Variants in RABL3 observed in about 807,000 individuals in gnomAD.
RABL3 encodes the protein rab-like protein 3.
Under a neutral mutation model 31.8 loss-of-function variants are expected in RABL3, and 31 were observed. That is an observed-to-expected ratio of 0.97 (90% CI 0.73 to 1.31). The LOEUF (loss-of-function observed/expected upper bound fraction) is 1.31, where lower values mean the gene tolerates loss of function less well. Ranked by LOEUF, RABL3 falls within the 40% of genes most tolerant of loss-of-function variation. The pLI is 0.00. For synonymous variants in RABL3, 97 were observed against 99.9 expected, an observed-to-expected ratio of 0.97 and a Z score of 0.18; for missense variants, 263 against 279.6, an observed-to-expected ratio of 0.94 and a Z score of 0.42.
chr3:120,699,765 T>C (rs936552593), intron 4 of RABL3, among the ~76,000 whole-genome samples: 2 of 152,180 alleles, frequency 1.3e-5, no homozygotes, highest in East Asian at 1.9e-4. Flanking sequence ...TGTTTTACTA[T>C]ACAACCTCCC....
In RABL3 at chr3:120,687,198, T is replaced by C. The variant is rs1708319916; in HGVS notation, c.*2625A>G. The C allele has an allele frequency of 6.6e-6, 1 of 151,990 alleles. No homozygotes were observed. The allele number at this position is 151,990 out of a possible 1,614,324, so 9.4% of individuals were successfully genotyped here. A position where few individuals can be genotyped will look rare whatever the true frequency, so the allele number is the denominator to read the frequency against. Reference sequence around the variant, plus strand: ...CCTTCATATCTGGTCACCTTCACAATGAGTCAGAAAATTGGTCAGACACCG... The same window carrying C: ...CCTTCATATCTGGTCACCTTCACAACGAGTCAGAAAATTGGTCAGACACCG... On this transcript the variant is annotated 3_prime_UTR_variant, in exon 8 of 8. Transcript: ENST00000273375.
chr3:120,719,484 T>A (rs1708710518), intron 2 of RABL3, among the ~76,000 whole-genome samples: 1 of 152,106 alleles, frequency 6.6e-6, no homozygotes, highest in Non-Finnish European at 1.5e-5. Context: ...ACCTGGAAAA[T>A]TGGGTCACTC....
At chr3:120,713,168 T>TA (rs1416865310) in intron 2 of RABL3, among the ~76,000 whole-genome samples, 1 of 152,218 alleles carries the variant, frequency 6.6e-6, no homozygotes, top group Non-Finnish European at 1.5e-5. Context: ...CCAAACCTGT[T>TA]AGCCAGCACC....
rs1310608094 is a variant in RABL3, at chr3:120,687,763, T to G, written c.*2060A>C. 6.6e-6 allele frequency: 1 copy of G among 151,200 alleles called. No individual in the cohort carries two copies. The highest frequency in any genetic ancestry group is 6.6e-5 in the Admixed American group (1 of 15,172). The allele number at this position is 151,200 out of a possible 1,614,324, so 9.4% of individuals were successfully genotyped here. On this transcript the variant is annotated 3_prime_UTR_variant, in exon 8 of 8. Coordinates refer to ENST00000273375, the MANE Select transcript of RABL3 (RefSeq NM_173825.5). ...TGACCCTGGAGTCATCAGCAATAGT[T>G]TACTTTTATTATTTATTTATATATT...
chr3:120,695,938 A>G (rs34319994), intron 5 of RABL3, among the ~76,000 whole-genome samples: 41,957 of 152,060 alleles, frequency 0.28, 6,284 homozygotes, highest in Non-Finnish European at 0.33. Flanking sequence ...TTTTTGGGAT[A>G]AGAAATTTAG....
intron 2 of RABL3, chr3:120,721,930 A>T (rs536221811): frequency 1.2e-4 from 19 of 152,366 alleles, no homozygotes; most frequent in African/African-American, 4.6e-4. Flanking sequence ...AGTTGGAAGC[A>T]AAGCAATCCT....
At chr3:120,733,204 C>T (rs1258550868) in intron 1 of RABL3, among the ~76,000 whole-genome samples, 1 of 152,164 alleles carries the variant, frequency 6.6e-6, no homozygotes, top group African/African-American at 2.4e-5. Flanking sequence ...TCCTATTTCT[C>T]CACATCCTCT....
intron 2 of RABL3, among the ~76,000 whole-genome samples, chr3:120,724,008 T>C (rs1708783592): frequency 1.3e-5 from 2 of 152,188 alleles, no homozygotes; most frequent in African/African-American, 4.8e-5. Context: ...GAAGTCAAAT[T>C]GTCCCTGTTT....
At chr3:120,740,727 C>A (rs952084736) in intron 1 of RABL3, among the ~76,000 whole-genome samples, 5 of 152,148 alleles carry the variant, frequency 3.3e-5, no homozygotes, top group Admixed American at 3.3e-4. Flanking sequence ...AGGAGACTGA[C>A]AAAATTACCT....
rs1408719551 is a variant in RABL3, at chr3:120,686,448, C to T, written c.*3375G>A. On this transcript the variant is annotated 3_prime_UTR_variant, in exon 8 of 8. Coordinates refer to ENST00000273375, the MANE Select transcript of RABL3 (RefSeq NM_173825.5). Reference sequence around the variant, plus strand: ...AGCTCTTCACCTCAGTCTGATGTCCCTGCACATCATTTCCATGAAGTCCAT... The same window carrying T: ...AGCTCTTCACCTCAGTCTGATGTCCTTGCACATCATTTCCATGAAGTCCAT... 6.6e-6 allele frequency among the ~76,000 whole-genome samples: 1 copy of T among 151,022 alleles called. No homozygotes were observed. Among genetic ancestry groups the T allele is most frequent in the Non-Finnish European group, 1.5e-5 (1 of 67,844 alleles).
rs973634577 is a variant in RABL3 at position 120,688,922 on chromosome 3, T to C, written c.*901A>G. 5 of 152,172 alleles carry C rather than the reference T, an allele frequency of 3.3e-5. No homozygotes were observed. The highest frequency in any genetic ancestry group is 7.2e-5 in the African/African-American group (3 of 41,438). The allele number at this position is 152,172 out of a possible 1,614,324, so 9.4% of individuals were successfully genotyped here. ...ATTTTTACTTCTCTCCATAAATACA[T>C]TGTTGACACAGAATAATATTCTTAG... On this transcript the variant is annotated 3_prime_UTR_variant, in exon 8 of 8. Coordinates refer to ENST00000273375, the MANE Select transcript of RABL3 (RefSeq NM_173825.5).
At chr3:120,718,879 T>C (rs981553129) in intron 2 of RABL3, among the ~76,000 whole-genome samples, 3 of 152,168 alleles carry the variant, frequency 2.0e-5, no homozygotes, top group African/African-American at 7.2e-5. Flanking sequence ...GGGAGGGACA[T>C]ATTAAAATAA....
intron 1 of RABL3, chr3:120,738,800 C>T (rs537158795): frequency 6.6e-6 from 1 of 151,996 alleles, no homozygotes; most frequent in South Asian, 2.1e-4. Context: ...ATCATTCTTC[C>T]ATTATTATTA....
intron 2 of RABL3, among the ~76,000 whole-genome samples, chr3:120,712,063 AGAT>A (rs1216323414): frequency 3.9e-5 from 6 of 152,224 alleles, no homozygotes; most frequent in African/African-American, 1.4e-4. Context: ...TAGTTAAAAT[AGAT>A]GTCATAAAAT....
Position 120,690,498 on chromosome 3 carries a change from C to T in RABL3, c.607-11G>A. 1.2e-6 allele frequency: 2 copies of T among 1,601,776 alleles called. No homozygotes were observed. Among genetic ancestry groups the T allele is most frequent in the Non-Finnish European group, 1.7e-6 (2 of 1,169,436 alleles). ...TCTCTTCTCTATGACCTGTGAAAAACAAAGATTTTAAAGGCTTAGCACACA... is the reference window on the plus strand; with the variant it reads ...TCTCTTCTCTATGACCTGTGAAAAATAAAGATTTTAAAGGCTTAGCACACA... On this transcript the variant is annotated splice_polypyrimidine_tract_variant and intron_variant, in intron 6 of 7. Coordinates refer to ENST00000273375, the MANE Select transcript of RABL3 (RefSeq NM_173825.5).
In RABL3 at chr3:120,694,219, G is replaced by A; in HGVS notation, c.540C>T (p.Cys180=). The change falls in exon 6 of 8, where the codon TGC becomes TGT. Residue 180 remains cysteine, a synonymous_variant. Transcript: ENST00000273375. ...CTGCAGCTAAGTACCGTGGATTTGT[G>A]CAGTCCTAGAAGATAAAACATAAGA... The part of the protein sequence containing the change: ...DFNPEEINLD[C]TNPRYLAAGS... The A allele has an allele frequency of 6.2e-7, 1 of 1,608,450 alleles. No homozygotes were observed. The highest frequency in any genetic ancestry group is 1.1e-5 in the South Asian group (1 of 90,562).
intron 1 of RABL3, among the ~76,000 whole-genome samples, chr3:120,742,091 G>A (rs1490545499): frequency 1.3e-5 from 2 of 151,324 alleles, no homozygotes; most frequent in Non-Finnish European, 2.9e-5. Context: ...AAAATCTCTT[G>A]AAGGCACGGT....
intron 1 of RABL3, among the ~76,000 whole-genome samples, chr3:120,740,194 G>A (rs1709024234): frequency 6.6e-6 from 1 of 152,130 alleles, no homozygotes; most frequent in South Asian, 2.1e-4. Context: ...GAGACTTTCA[G>A]GGTTCCTTAC....
In RABL3 at chr3:120,720,169, C is replaced by A. The variant is rs193044452; in HGVS notation, c.139-10260G>T. ...CTAACAAACAGAAAGGACATCCTCA[C>A]CAAAACCTCATCTGTACATCACCAT... is the stretch of plus-strand genomic sequence containing the variant. On this transcript the variant is annotated intron_variant, in intron 2 of 7. Coordinates refer to ENST00000273375, the MANE Select transcript of RABL3 (RefSeq NM_173825.5). Among the ~76,000 whole-genome samples the A allele has an allele frequency of 5.3e-5, 8 of 152,258 alleles. No homozygotes were observed. The East Asian group carries it at 1.5e-3, about 29-fold the overall frequency.
Sources: allele counts gnomAD v4.1 joint callset (sites outside exome capture counted in the v4.1 genomes callset), GRCh38; gene constraint gnomAD v4.1.1; transcripts MANE v1.5; gene names NCBI Gene and HGNC (gene_info 2026-07-23, HGNC 2026-07-21).